LRRC18: variants seen among roughly 807,000 people sequenced by gnomAD.
LRRC18 encodes leucine-rich repeat-containing protein 18.
LRRC18 carries 12 observed loss-of-function variants against 11.2 expected under a neutral mutation model. The observed-to-expected ratio is 1.07, with a 90% CI of 0.69 to 1.74. The LOEUF (loss-of-function observed/expected upper bound fraction) is 1.74. Among genes scored for constraint, LRRC18 ranks in the 40% most tolerant of loss-of-function variants. LRRC18 has a pLI of 0.00. For synonymous variants in LRRC18, 155 were observed against 130.6 expected (o/e 1.19, Z -1.27); for missense variants, 374 against 330.5 (o/e 1.13, Z -1.02).
At chr10:48,933,722 T>A in the LRRC18 span, among the ~76,000 whole-genome samples, 17 of 152,286 alleles carry the variant, frequency 1.1e-4, no homozygotes, top group African/African-American at 3.6e-4. Context: ...TGAATTGCAT[T>A]GGCAATGGGC....
At chr10:48,924,938 A>G in the LRRC18 span, among the ~76,000 whole-genome samples, 1 of 152,216 alleles carries the variant, frequency 6.6e-6, no homozygotes, top group Non-Finnish European at 1.5e-5. Context: ...ACAATCTTAC[A>G]ATAATAATTT....
the LRRC18 span, among the ~76,000 whole-genome samples, chr10:48,921,479 G>A: frequency 0.23 from 34,801 of 152,104 alleles, 4,878 homozygotes; most frequent in East Asian, 0.39. Context: ...AGATTTGAAT[G>A]TAAAATGTAA....
chr10:48,937,389 A>G, the LRRC18 span, among the ~76,000 whole-genome samples: 3 of 152,196 alleles, frequency 2.0e-5, no homozygotes, highest in Non-Finnish European at 2.9e-5. Context: ...CTTCAGTGTT[A>G]GGGTCCTGGA....
chr10:48,915,021 G>T (rs1474132722), upstream of LRRC18, among the ~76,000 whole-genome samples: 1 of 152,226 alleles, frequency 6.6e-6, no homozygotes, highest in Non-Finnish European at 1.5e-5. Context: ...GAATGTCAAT[G>T]TGATGTGATG....
At chr10:48,933,544 C>T in the LRRC18 span, among the ~76,000 whole-genome samples, 2 of 152,192 alleles carry the variant, frequency 1.3e-5, no homozygotes, top group Admixed American at 6.5e-5. Context: ...AGGAGCTGAG[C>T]TAGATCCTGT....
chr10:48,918,632 T>G (rs190067370), upstream of LRRC18, among the ~76,000 whole-genome samples: 1 of 152,302 alleles, frequency 6.6e-6, no homozygotes, highest in East Asian at 1.9e-4. Context: ...ATTGGAGACA[T>G]CAATACTTGT....
the LRRC18 span, among the ~76,000 whole-genome samples, chr10:48,928,072 G>A: frequency 2.6e-5 from 4 of 152,276 alleles, no homozygotes; most frequent in South Asian, 2.1e-4. Flanking sequence ...TGTTTTAAGC[G>A]CTGCTATTGC....
intron 1 of LRRC18, among the ~76,000 whole-genome samples, chr10:48,911,365 G>A (rs1366779604): frequency 6.6e-6 from 1 of 152,116 alleles, no homozygotes; most frequent in African/African-American, 2.4e-5. Context: ...CTACTTGATG[G>A]CATGTATCAA....
exon 1 of LRRC18, chr10:48,914,159 C>G (rs747424409): frequency 6.2e-7 from 1 of 1,610,298 alleles, no homozygotes; most frequent in Admixed American, 1.7e-5. Context: ...TAACCATGTT[C>G]TTTTAGTAAG....
At chr10:48,910,356 T>C in intron 1 of LRRC18, 98 bp from the exon 4 acceptor site, 1 of 1,058,066 alleles carries the variant, frequency 9.5e-7, no homozygotes, top group Non-Finnish European at 1.5e-6. Flanking sequence ...AGGTCATGCC[T>C]GACCTTCAGG....
the LRRC18 span, among the ~76,000 whole-genome samples, chr10:48,935,866 G>A: frequency 6.7e-6 from 1 of 150,146 alleles, no homozygotes; most frequent in African/African-American, 2.4e-5. Context: ...GCATTATCAT[G>A]AATAAGGCTG....
At chr10:48,921,693 A>G in the LRRC18 span, among the ~76,000 whole-genome samples, 1 of 152,236 alleles carries the variant, frequency 6.6e-6, no homozygotes, top group Non-Finnish European at 1.5e-5. Flanking sequence ...TCTGGTATCC[A>G]AAATCTATAA....
the LRRC18 span, among the ~76,000 whole-genome samples, chr10:48,926,839 G>A: frequency 6.6e-6 from 1 of 152,180 alleles, no homozygotes; most frequent in South Asian, 2.1e-4. Context: ...TCACTTCATA[G>A]GCATGTGTCC....
the LRRC18 span, among the ~76,000 whole-genome samples, chr10:48,939,409 C>T: frequency 3.3e-5 from 5 of 152,286 alleles, 1 homozygote; most frequent in South Asian, 8.3e-4. Flanking sequence ...CAAATCAGAG[C>T]GGCTTGCTGT....
chr10:48,925,212 C>T, the LRRC18 span, among the ~76,000 whole-genome samples: 3 of 152,224 alleles, frequency 2.0e-5, no homozygotes, highest in African/African-American at 7.2e-5. Flanking sequence ...GGCCAGCTCA[C>T]CTAACTGTGA....
At chr10:48,932,385 C>T in the LRRC18 span, 1 of 152,174 alleles carries the variant, frequency 6.6e-6, no homozygotes, top group Non-Finnish European at 1.5e-5. Context: ...TCTTTGCAAC[C>T]TTTCAAGCAC....
exon 1 of LRRC18, chr10:48,913,940 G>C: frequency 6.2e-7 from 1 of 1,614,134 alleles, no homozygotes. Context: ...GGAGGTTCTG[G>C]AACTTGGAGA....
At chr10:48,917,330 A>G (rs1359821135), upstream of LRRC18, among the ~76,000 whole-genome samples, 1 of 152,226 alleles carries the variant, frequency 6.6e-6, no homozygotes, top group Non-Finnish European at 1.5e-5. Context: ...GTGCAGAAAA[A>G]CATTTGAAGG....
chr10:48,937,083 G>T, the LRRC18 span, among the ~76,000 whole-genome samples: 1 of 151,868 alleles, frequency 6.6e-6, no homozygotes, highest in Non-Finnish European at 1.5e-5. Flanking sequence ...TAGTAGAGAC[G>T]AGGTTTTTCC....
Sources: allele counts gnomAD v4.1 joint callset (sites outside exome capture counted in the v4.1 genomes callset), GRCh38; gene constraint gnomAD v4.1.1; transcripts MANE v1.5; gene names NCBI Gene and HGNC (gene_info 2026-07-23, HGNC 2026-07-21).